Variants in ATP11A observed in about 807,000 individuals in gnomAD.
The protein encoded by ATP11A is phospholipid-transporting ATPase IH.
ATP11A carries 81 observed loss-of-function variants against 154.4 expected under a neutral mutation model. That is an observed-to-expected ratio of 0.52 (90% CI 0.44 to 0.63). The LOEUF (loss-of-function observed/expected upper bound fraction) is 0.63, where lower values mean the gene tolerates loss of function less well. Ranked by LOEUF, ATP11A falls within the 30% of genes least tolerant of loss-of-function variation. The pLI, the probability that ATP11A is intolerant of heterozygous loss-of-function variation, is 0.00. For missense variants in ATP11A, 1,316 were observed against 1,474.3 expected, an observed-to-expected ratio of 0.89 and a Z score of 1.76; for synonymous variants, 623 against 585.9, an observed-to-expected ratio of 1.06 and a Z score of -0.91.
At chr13:112,772,029 C>T (rs1320595683) in intron 1 of ATP11A, among the ~76,000 whole-genome samples, 4 of 152,152 alleles carry the variant, frequency 2.6e-5, no homozygotes, top group Non-Finnish European at 5.9e-5. Context: ...GAGGCGGCAG[C>T]GGCTGAGGCA....
chr13:112,792,054 A>T (rs929399731), intron 2 of ATP11A, among the ~76,000 whole-genome samples: 2 of 152,204 alleles, frequency 1.3e-5, no homozygotes, highest in Admixed American at 6.5e-5. Flanking sequence ...CCGCCCATGC[A>T]TTGAGATCTT....
At chr13:112,712,315 G>T (rs1183076177) in intron 1 of ATP11A, among the ~76,000 whole-genome samples, 1 of 152,208 alleles carries the variant, frequency 6.6e-6, no homozygotes, top group Non-Finnish European at 1.5e-5. Flanking sequence ...TCCATGGTTA[G>T]AATTTGCTGG....
intron 16 of ATP11A, among the ~76,000 whole-genome samples, 189 bp downstream of exon 16, chr13:112,836,440 G>C (rs2079236923): frequency 6.6e-6 from 1 of 152,116 alleles, no homozygotes. Context: ...TTTCTGGAAT[G>C]CTGAGGAAGG....
intron 1 of ATP11A, among the ~76,000 whole-genome samples, chr13:112,757,113 A>G (rs759638664): frequency 2.0e-5 from 3 of 152,214 alleles, no homozygotes; most frequent in Admixed American, 6.5e-5. Context: ...TACTGCTGCT[A>G]CAATCTGTAG....
chr13:112,738,100 A>G (rs1891176224), intron 1 of ATP11A, among the ~76,000 whole-genome samples: 1 of 152,178 alleles, frequency 6.6e-6, no homozygotes, highest in African/African-American at 2.4e-5. Flanking sequence ...GGCTGGGCAC[A>G]GTGGCTTATG....
intron 1 of ATP11A, among the ~76,000 whole-genome samples, chr13:112,741,190 TG>T (rs34729581): frequency 2.6e-5 from 4 of 152,180 alleles, no homozygotes; most frequent in African/African-American, 9.6e-5. Flanking sequence ...TTTGGGAGGC[TG>T]GGGACTGGGG....
chr13:112,702,815 G>A (rs1398964237), intron 1 of ATP11A, among the ~76,000 whole-genome samples: 1 of 152,228 alleles, frequency 6.6e-6, no homozygotes, highest in East Asian at 1.9e-4. Context: ...CCCCCACCTC[G>A]GTGTCTCAGG....
intron 1 of ATP11A, among the ~76,000 whole-genome samples, chr13:112,693,671 GC>G (rs572702214): frequency 3.4e-4 from 52 of 152,248 alleles, no homozygotes; most frequent in African/African-American, 1.2e-3. Context: ...GCACTTCTAG[GC>G]CAGGCGCGGT....
At chr13:112,709,011 T>A (rs1281270028) in intron 1 of ATP11A, among the ~76,000 whole-genome samples, 1 of 152,114 alleles carries the variant, frequency 6.6e-6, no homozygotes, top group African/African-American at 2.4e-5. Flanking sequence ...GATGTGTCTG[T>A]AGGGTTCCAG....
intron 29 of ATP11A, chr13:112,881,327 A>G (rs539600713): frequency 9.9e-7 from 1 of 1,006,556 alleles, no homozygotes; most frequent in African/African-American, 1.7e-5. Flanking sequence ...CCTAGGCAAC[A>G]TGTCAAGGGG....
Position 112,855,982 on chromosome 13 carries a change from G to A in ATP11A, c.2315G>A (p.Arg772Gln), listed in dbSNP as rs762938882. Residue 772 changes from arginine (R) to glutamine (Q), a missense_variant, in exon 20 of 30, where the codon CGA becomes CAA. By Grantham distance (43) the Arg-to-Gln change is conservative. Around this residue, in one of 5 missense-constraint regions of ATP11A, gnomAD observed 876 missense variants for 1,006.8 expected, o/e 0.87. Transcript: ENST00000375645. ...GAALSLIMKP[R>Q]EDGSSGNYRE... ...GCACTGTCTCTGATAATGAAGCCTC[G>A]AGAAGACGGGAGTTCCGGCAACTAC... The A allele has an allele frequency of 6.8e-6, 11 of 1,614,054 alleles. No homozygotes were observed. The highest frequency in any genetic ancestry group is 4.4e-5 in the South Asian group (4 of 91,080).
At chr13:112,848,034 T>C (rs1288400127) in intron 17 of ATP11A, among the ~76,000 whole-genome samples, 1 of 152,132 alleles carries the variant, frequency 6.6e-6, no homozygotes, top group Non-Finnish European at 1.5e-5. Context: ...AAAGCAGTAG[T>C]GAGCCGTGAT....
In ATP11A at chr13:112,690,527, C is replaced by T. The variant is rs1594291400; in HGVS notation, c.39+72C>T. The T allele has an allele frequency of 1.6e-6, 2 of 1,247,090 alleles. No individual in the cohort carries two copies. The highest frequency in any genetic ancestry group is 6.3e-5 in the East Asian group (2 of 31,734). The allele number at this position is 1,247,090 out of a possible 1,614,324, so 77.3% of individuals were successfully genotyped here. On this transcript the variant is annotated intron_variant, in intron 1 of 29. Coordinates refer to ENST00000375645, the MANE Select transcript of ATP11A (RefSeq NM_015205.3). This position sits in a 1 kb window ranked among gnomAD's most constrained non-coding sequence, Gnocchi z 5.6. ...GCGGGCCGGCCCCGCAGCCCGGACC[C>T]TGTGGCCGGTCCAGCCCCGGGGTCC...
chr13:112,881,772 G>A (rs748952498), intron 29 of ATP11A, 104 bp from the exon 30 acceptor site: 119 of 1,355,986 alleles, frequency 8.8e-5, no homozygotes, highest in Non-Finnish European at 1.1e-4. Flanking sequence ...AGGCAGCCCC[G>A]TGGGTATCCC....
rs1050762690 is a variant in ATP11A at position 112,690,146 on chromosome 13, G to A, written c.-271G>A. 2.7e-5 allele frequency among the ~76,000 whole-genome samples: 4 copies of A among 148,384 alleles called. No homozygotes were observed. Among genetic ancestry groups the A allele is most frequent in the South Asian group, 2.1e-4 (1 of 4,830 alleles). On this transcript the variant is annotated 5_prime_UTR_variant, in exon 1 of 30. Coordinates refer to ENST00000375645, the MANE Select transcript of ATP11A (RefSeq NM_015205.3). The surrounding 1 kb of genome is among the most constrained non-coding windows in gnomAD (Gnocchi z 5.6). ...AACCGAGCGGGCGGACCGACGGGGA[G>A]AGAGAAGGCGCCAGAGCGCGCGCGC...
intron 7 of ATP11A, 32 bp downstream of exon 7, chr13:112,819,439 G>T (rs897022527): frequency 1.3e-6 from 2 of 1,595,998 alleles, no homozygotes; most frequent in Non-Finnish European, 1.7e-6. Flanking sequence ...TTTAGAAACG[G>T]TTTTTTATGC....
chr13:112,822,210 T>G (rs946202590), intron 8 of ATP11A, among the ~76,000 whole-genome samples: 1 of 152,206 alleles, frequency 6.6e-6, no homozygotes, highest in African/African-American at 2.4e-5. Context: ...ATAGCAAAAT[T>G]TATACATTTG....
chr13:112,759,124 C>T (rs1243978818), intron 1 of ATP11A, among the ~76,000 whole-genome samples: 1 of 152,176 alleles, frequency 6.6e-6, no homozygotes, highest in Non-Finnish European at 1.5e-5. Flanking sequence ...CCCTCTTATC[C>T]TTGGTGAGGA....
chr13:112,813,819 C>G (rs2078569631), intron 5 of ATP11A, among the ~76,000 whole-genome samples: 1 of 152,088 alleles, frequency 6.6e-6, no homozygotes, highest in Admixed American at 6.5e-5. Flanking sequence ...TGTGGGACAT[C>G]TTTTCACGCT....
Sources: allele counts gnomAD v4.1 joint callset (sites outside exome capture counted in the v4.1 genomes callset), GRCh38; gene constraint gnomAD v4.1.1; regional missense constraint gnomAD v4.1.1; non-coding constraint Gnocchi (gnomAD v3.1); transcripts MANE v1.5; gene names NCBI Gene and HGNC (gene_info 2026-07-23, HGNC 2026-07-21).